The following SOX5 variants were observed in gnomAD, a reference collection of about 807,000 sequenced individuals.
SOX5 encodes SRY-box transcription factor 5.
In SOX5, 9 loss-of-function variants were observed where a neutral mutation model predicts 92.0. The observed-to-expected ratio is 0.10, with a 90% CI of 0.06 to 0.17. The LOEUF (loss-of-function observed/expected upper bound fraction) is 0.17. Among genes scored for constraint, SOX5 ranks in the 10% least tolerant of loss-of-function variants. The pLI is 1.00. For synonymous variants in SOX5, 344 were observed against 336.3 expected, an observed-to-expected ratio of 1.02 and a Z score of -0.25; for missense variants, 642 against 944.5, an observed-to-expected ratio of 0.68 and a Z score of 4.20.
At chr12:24,441,222 T>A (rs1940518684) in intron 1 of SOX5, among the ~76,000 whole-genome samples, 1 of 152,246 alleles carries the variant, frequency 6.6e-6, no homozygotes, top group African/African-American at 2.4e-5. Flanking sequence ...CCTCCCATCC[T>A]ACTGCACAAA....
intron 1 of SOX5, among the ~76,000 whole-genome samples, chr12:24,543,456 G>A (rs938539111): frequency 2.0e-5 from 3 of 152,246 alleles, no homozygotes; most frequent in Non-Finnish European, 4.4e-5. Flanking sequence ...GGAGGCCGAG[G>A]CAGGAGGATC....
At chr12:24,043,123 T>C (rs1956673493) in intron 4 of SOX5, among the ~76,000 whole-genome samples, 1 of 152,132 alleles carries the variant, frequency 6.6e-6, no homozygotes, top group African/African-American at 2.4e-5. Context: ...AAGAGATGAA[T>C]TGTCTCCATA....
chr12:24,384,212 T>C (rs1050095373), intron 1 of SOX5, among the ~76,000 whole-genome samples: 4 of 152,202 alleles, frequency 2.6e-5, no homozygotes, highest in African/African-American at 7.2e-5. Context: ...TAGATTCTCA[T>C]AAGGAGTGCA....
At chr12:24,516,802 C>T (rs1200082019) in intron 1 of SOX5, among the ~76,000 whole-genome samples, 16 of 152,132 alleles carry the variant, frequency 1.1e-4, no homozygotes, top group Admixed American at 1.0e-3. Flanking sequence ...GTATTTTCAG[C>T]ATAATTTTTG....
In SOX5 at chr12:24,179,963, A is replaced by G. The variant is rs563456522; in HGVS notation, c.-2+33380T>C. ...TTTATTAAAAAAAAAAAAGAAAAGA[A>G]AAGTTATGGGACCTCACTCCATTGC... On this transcript the variant is annotated intron_variant, in intron 4 of 4. Coordinates refer to the SOX5 transcript ENST00000446891. Among the ~76,000 whole-genome samples, 1,015 of 151,566 alleles carry G rather than the reference A, an allele frequency of 6.7e-3. 17 individuals carry two copies. The highest frequency in any genetic ancestry group is 0.023 in the African/African-American group (969 of 41,390).
At chr12:23,847,671 C>CG (rs2096589865) in intron 2 of SOX5, among the ~76,000 whole-genome samples, 1 of 147,764 alleles carries the variant, frequency 6.8e-6, no homozygotes, top group Non-Finnish European at 1.5e-5. Flanking sequence ...GTGGGGAAGG[C>CG]GAAAAAAAAA....
chr12:24,031,848 A>G (rs1209963733), intron 4 of SOX5, among the ~76,000 whole-genome samples: 2 of 151,890 alleles, frequency 1.3e-5, no homozygotes, highest in Admixed American at 1.3e-4. Flanking sequence ...GTGACATTAT[A>G]AAGTTCTATG....
chr12:23,794,674 T>G (rs1347704797), intron 3 of SOX5, among the ~76,000 whole-genome samples: 1 of 152,172 alleles, frequency 6.6e-6, no homozygotes, highest in Non-Finnish European at 1.5e-5. Context: ...AAACTATTTC[T>G]GTAAAAATAT....
At chr12:23,969,933 G>A (rs1421223554) in intron 4 of SOX5, among the ~76,000 whole-genome samples, 1 of 152,150 alleles carries the variant, frequency 6.6e-6, no homozygotes, top group African/African-American at 2.4e-5. Context: ...ACGCAAGTGT[G>A]CCGGCAAAAC....
chr12:24,119,416 G>A (rs906697031), intron 4 of SOX5, among the ~76,000 whole-genome samples: 1 of 151,912 alleles, frequency 6.6e-6, no homozygotes, highest in Non-Finnish European at 1.5e-5. Context: ...TTACACTTGA[G>A]GCTACATTTT....
intron 3 of SOX5, among the ~76,000 whole-genome samples, chr12:23,840,729 AAAT>A (rs1213424940): frequency 2.0e-5 from 3 of 152,196 alleles, no homozygotes; most frequent in Non-Finnish European, 1.5e-5. Flanking sequence ...GTCAACGAAG[AAAT>A]AATGGTCTTT....
At chr12:23,713,090 T>C (rs10842217) in intron 6 of SOX5, among the ~76,000 whole-genome samples, 3 of 151,898 alleles carry the variant, frequency 2.0e-5, no homozygotes, top group South Asian at 2.1e-4. Flanking sequence ...AATCAAAGAG[T>C]AGTTTCCTTA....
At chr12:23,860,758 G>C (rs1457723495) in intron 2 of SOX5, among the ~76,000 whole-genome samples, 1 of 152,020 alleles carries the variant, frequency 6.6e-6, no homozygotes, top group African/African-American at 2.4e-5. Flanking sequence ...ATGATTAAAT[G>C]CACTTCAGGT....
chr12:24,205,642 G>C (rs1313651460), intron 4 of SOX5, among the ~76,000 whole-genome samples: 1 of 152,170 alleles, frequency 6.6e-6, no homozygotes, highest in Non-Finnish European at 1.5e-5. Context: ...TCTGCCTCCT[G>C]TAAGGACAGA....
chr12:24,178,248 T>G (rs1955050850), intron 4 of SOX5, among the ~76,000 whole-genome samples: 1 of 120,084 alleles, frequency 8.3e-6, no homozygotes. Context: ...GCTTGACTTT[T>G]TTTTTTTTTT....
intron 4 of SOX5, among the ~76,000 whole-genome samples, chr12:23,751,354 G>A (rs941605236): frequency 6.6e-6 from 1 of 151,834 alleles, no homozygotes; most frequent in Admixed American, 6.6e-5. Context: ...GATTTTAAAA[G>A]AACATGTTTG....
intron 4 of SOX5, among the ~76,000 whole-genome samples, chr12:24,047,763 A>T (rs1275509472): frequency 1.3e-5 from 2 of 152,192 alleles, no homozygotes; most frequent in African/African-American, 4.8e-5. Context: ...GGTGGTCTGC[A>T]TGTGGAATGA....
intron 2 of SOX5, among the ~76,000 whole-genome samples, chr12:24,313,022 T>G (rs1373333325): frequency 6.6e-6 from 1 of 152,232 alleles, no homozygotes; most frequent in East Asian, 1.9e-4. Context: ...AATAACCTTC[T>G]GCTTCATACA....
intron 4 of SOX5, among the ~76,000 whole-genome samples, chr12:24,147,138 A>G (rs1441738430): frequency 1.3e-5 from 2 of 152,198 alleles, no homozygotes; most frequent in African/African-American, 4.8e-5. Context: ...TTATGAGGCC[A>G]GTATACCTTG....
Sources: allele counts gnomAD v4.1 joint callset (sites outside exome capture counted in the v4.1 genomes callset), GRCh38; gene constraint gnomAD v4.1.1; transcripts MANE v1.5; gene names NCBI Gene and HGNC (gene_info 2026-07-23, HGNC 2026-07-21).